RANBP3L: variants seen among roughly 807,000 people sequenced by gnomAD.
The protein encoded by RANBP3L is RAN binding protein 3 like.
In RANBP3L, 56 loss-of-function variants were observed where a neutral mutation model predicts 67.2. That is an observed-to-expected ratio of 0.83 (90% CI 0.67 to 1.04). The LOEUF (loss-of-function observed/expected upper bound fraction) is 1.04. Ranked by LOEUF, RANBP3L falls within the 50% of genes least tolerant of loss-of-function variation. RANBP3L has a pLI of 0.00. For synonymous variants in RANBP3L, 164 were observed against 181.4 expected, an observed-to-expected ratio of 0.90 and a Z score of 0.77; for missense variants, 496 against 535.5, an observed-to-expected ratio of 0.93 and a Z score of 0.73.
intron 1 of RANBP3L, among the ~76,000 whole-genome samples, chr5:36,299,955 A>G (rs554698911): frequency 6.6e-6 from 1 of 152,316 alleles, no homozygotes; most frequent in African/African-American, 2.4e-5. Flanking sequence ...ATAGAAGAAA[A>G]GTCTAGAAGT....
chr5:36,287,207 C>T (rs924214343), intron 1 of RANBP3L, among the ~76,000 whole-genome samples: 2 of 152,194 alleles, frequency 1.3e-5, no homozygotes, highest in Admixed American at 6.5e-5. Context: ...TGACAGGAGG[C>T]GGAGCTCAGG....
intron 13 of RANBP3L, 45 bp from the exon 14 acceptor site, chr5:36,249,742 AG>A (rs752183001): frequency 9.3e-7 from 1 of 1,078,678 alleles, no homozygotes; most frequent in East Asian, 2.8e-5. Context: ...TATTATATTT[AG>A]GGTAGATTTT....
intron 8 of RANBP3L, among the ~76,000 whole-genome samples, chr5:36,259,145 A>T (rs558002148): frequency 1.3e-5 from 2 of 152,204 alleles, no homozygotes; most frequent in African/African-American, 4.8e-5. Context: ...TAAATTCACC[A>T]TGGAGGCTGG....
At chr5:36,286,786 A>G (rs910350370) in intron 1 of RANBP3L, among the ~76,000 whole-genome samples, 1 of 151,988 alleles carries the variant, frequency 6.6e-6, no homozygotes, top group Non-Finnish European at 1.5e-5. Context: ...CTTTGTACTT[A>G]CTCTTTATTC....
rs565281625 is a variant in RANBP3L at position 36,281,909 on chromosome 5, G to A, written c.92-10598C>T. ...TACTTTGTCTATAAATAAGACTATTGTGTTCTTTTGTGACAAAATTTACTT... is the reference window on the plus strand; with the variant it reads ...TACTTTGTCTATAAATAAGACTATTATGTTCTTTTGTGACAAAATTTACTT... On this transcript the variant is annotated intron_variant, in intron 1 of 13. Coordinates refer to ENST00000296604, the MANE Select transcript of RANBP3L (RefSeq NM_145000.5). Among the ~76,000 whole-genome samples, 3 of 152,236 alleles carry A rather than the reference G, an allele frequency of 2.0e-5. No homozygotes were observed. In the South Asian group the frequency reaches 6.2e-4, roughly 32 times the overall value.
At position 36,247,894 on chromosome 5, in the gene RANBP3L, A is replaced by C. The variant is rs1748374621; in HGVS notation, c.*1760T>G. Among the ~76,000 whole-genome samples the C allele has an allele frequency of 6.6e-6, 1 of 152,246 alleles. No homozygotes were observed. The highest frequency in any genetic ancestry group is 1.5e-5 in the Non-Finnish European group (1 of 68,046). ...CAGAGCGAGACTCTGTCTAAAAAAC[A>C]AACAAAATAAATAAATGAAGTTATT... is the stretch of plus-strand genomic sequence containing the variant. On this transcript the variant is annotated 3_prime_UTR_variant, in exon 14 of 14. Coordinates refer to ENST00000296604, the MANE Select transcript of RANBP3L (RefSeq NM_145000.5).
intron 10 of RANBP3L, among the ~76,000 whole-genome samples, chr5:36,255,823 AT>A (rs1748935458): frequency 6.6e-6 from 1 of 152,078 alleles, no homozygotes. Context: ...CCCAGCTTTT[AT>A]TTCCCATCTA....
intron 12 of RANBP3L, among the ~76,000 whole-genome samples, chr5:36,252,684 A>C (rs897076042): frequency 6.6e-6 from 1 of 152,114 alleles, no homozygotes; most frequent in African/African-American, 2.4e-5. Flanking sequence ...GTCATGTTTA[A>C]CAGGCTCAGT....
At chr5:36,262,778 A>T (rs138740211) in intron 6 of RANBP3L, among the ~76,000 whole-genome samples, 2 of 152,288 alleles carry the variant, frequency 1.3e-5, no homozygotes, top group Non-Finnish European at 2.9e-5. Context: ...TTTTAACAAG[A>T]GTTTGACAAC....
At chr5:36,253,468 T>C (rs530562759) in intron 12 of RANBP3L, among the ~76,000 whole-genome samples, 179 bp downstream of exon 12, 171 of 152,132 alleles carry the variant, frequency 1.1e-3, no homozygotes, top group Non-Finnish European at 2.0e-3. Context: ...ACATAGACTT[T>C]GGTGTTAATT....
intron 1 of RANBP3L, among the ~76,000 whole-genome samples, chr5:36,279,017 C>T (rs1407267829): frequency 6.6e-6 from 1 of 152,030 alleles, no homozygotes; most frequent in African/African-American, 2.4e-5. Context: ...TAAAATTCCT[C>T]AACAAAAATT....
rs1473589278 is a variant in RANBP3L at position 36,255,382 on chromosome 5, T to C, written c.1024+88A>G. The C allele has an allele frequency of 3.9e-6, 5 of 1,275,318 alleles. No individual in the cohort carries two copies. The East Asian group carries it at 1.0e-4, about 27-fold the overall frequency. The allele number at this position is 1,275,318 out of a possible 1,614,324, so 79.0% of individuals were successfully genotyped here. A position where few individuals can be genotyped will look rare whatever the true frequency, so the allele number is the denominator to read the frequency against. ...TTTTTGGTGTATTTTATAGCACATCTCCAGAAAATGATGTGTACCTATATT... is the reference window on the plus strand; with the variant it reads ...TTTTTGGTGTATTTTATAGCACATCCCCAGAAAATGATGTGTACCTATATT... On this transcript the variant is annotated intron_variant, in intron 11 of 13. Coordinates refer to ENST00000296604, the MANE Select transcript of RANBP3L (RefSeq NM_145000.5).
chr5:36,279,506 A>G (rs16902918), intron 1 of RANBP3L, among the ~76,000 whole-genome samples: 9,308 of 152,218 alleles, frequency 0.061, 968 homozygotes, highest in African/African-American at 0.21. Context: ...TGAAGGTAAG[A>G]TAACGAGGCC....
chr5:36,255,618 A>G, intron 10 of RANBP3L, 28 bp from the exon 11 acceptor site: 1 of 1,555,084 alleles, frequency 6.4e-7, no homozygotes. Flanking sequence ...AAAATGTCAA[A>G]TATATAGAAA....
At chr5:36,273,467 G>A (rs1425132414) in intron 1 of RANBP3L, among the ~76,000 whole-genome samples, 9 of 152,194 alleles carry the variant, frequency 5.9e-5, no homozygotes, top group Non-Finnish European at 2.9e-5. Context: ...CTGGGAACTA[G>A]GGACACATGG....
Position 36,265,106 on chromosome 5 carries a change from G to C in RANBP3L, c.341-8C>G. The stretch of plus-strand genomic sequence containing the variant: ...TAGAATGTTTCACAGGACCTTAAAA[G>C]AATAGAATTAAAGGATAAATATATG... On this transcript the variant is annotated splice_region_variant and splice_polypyrimidine_tract_variant and intron_variant, in intron 5 of 13. Coordinates refer to ENST00000296604, the MANE Select transcript of RANBP3L (RefSeq NM_145000.5). 1 of 1,548,338 alleles carries C rather than the reference G, an allele frequency of 6.5e-7. No individual in the cohort carries two copies. Among genetic ancestry groups the C allele is most frequent in the South Asian group, 1.2e-5 (1 of 85,192 alleles).
chr5:36,250,095 G>C (rs192223095), intron 13 of RANBP3L, among the ~76,000 whole-genome samples: 27 of 151,848 alleles, frequency 1.8e-4, no homozygotes, highest in Non-Finnish European at 3.1e-4. Flanking sequence ...TCCTAAAATG[G>C]AATATAACAG....
At chr5:36,300,703 C>A (rs976245561) in intron 1 of RANBP3L, among the ~76,000 whole-genome samples, 7 of 152,108 alleles carry the variant, frequency 4.6e-5, no homozygotes, top group Admixed American at 1.3e-4. Context: ...TCATGTCAAC[C>A]ATCTGACACT....
intron 5 of RANBP3L, 124 bp from the exon 6 acceptor site, chr5:36,265,222 A>G: frequency 2.8e-6 from 2 of 710,176 alleles, no homozygotes; most frequent in Non-Finnish European, 4.4e-6. Flanking sequence ...GCGTTAATTA[A>G]TCCAAGTCAA....
Sources: allele counts gnomAD v4.1 joint callset (sites outside exome capture counted in the v4.1 genomes callset), GRCh38; gene constraint gnomAD v4.1.1; transcripts MANE v1.5; gene names NCBI Gene and HGNC (gene_info 2026-07-23, HGNC 2026-07-21).